SH3GL2: variants seen among roughly 807,000 people sequenced by gnomAD.
The protein encoded by SH3GL2 is SH3 domain containing GRB2 like 2, endophilin A1.
A neutral mutation model predicts 46.0 loss-of-function variants in SH3GL2; 24 were observed. The observed-to-expected ratio is 0.52, with a 90% CI of 0.38 to 0.73. The LOEUF is 0.73. Among genes scored for constraint, SH3GL2 ranks in the 30% least tolerant of loss-of-function variants. SH3GL2 has a pLI of 0.00. For synonymous variants in SH3GL2, 196 were observed against 147.1 expected, an observed-to-expected ratio of 1.33 and a Z score of -2.40; for missense variants, 413 against 424.2, an observed-to-expected ratio of 0.97 and a Z score of 0.23.
rs547529949 is a variant in SH3GL2, at chr9:17,690,519, G to T, written c.46-56547G>T. On this transcript the variant is annotated intron_variant, in intron 1 of 8. Coordinates refer to ENST00000380607, the MANE Select transcript of SH3GL2 (RefSeq NM_003026.5). Reference sequence around the variant, plus strand: ...AGGCCCTGACCTAGACATCCCATAGGATCTCGCCTCATTCTGCTCAAAAAT... The same window carrying T: ...AGGCCCTGACCTAGACATCCCATAGTATCTCGCCTCATTCTGCTCAAAAAT... 5.9e-5 allele frequency among the ~76,000 whole-genome samples: 9 copies of T among 152,110 alleles called. No homozygotes were observed. The South Asian group carries it at 1.7e-3, about 28-fold the overall frequency.
At chr9:17,785,315 T>A (rs1823924103) in intron 3 of SH3GL2, among the ~76,000 whole-genome samples, 1 of 152,206 alleles carries the variant, frequency 6.6e-6, no homozygotes, top group African/African-American at 2.4e-5. Context: ...CAGTTCATTA[T>A]AAACTTTGTG....
chr9:17,707,762 A>T (rs1159451606), intron 1 of SH3GL2, among the ~76,000 whole-genome samples: 1 of 152,060 alleles, frequency 6.6e-6, no homozygotes, highest in African/African-American at 2.4e-5. Context: ...CTAAATCCTT[A>T]TGTCTAAGAT....
At chr9:17,606,082 G>GAGGT (rs1049746334) in intron 1 of SH3GL2, among the ~76,000 whole-genome samples, 10 of 94,084 alleles carry the variant, frequency 1.1e-4, no homozygotes, top group Non-Finnish European at 2.6e-4. Context: ...TCACTTGCGT[G>GAGGT]AGGTTTGTTT....
At chr9:17,766,428 G>A (rs1823320714) in intron 3 of SH3GL2, among the ~76,000 whole-genome samples, 1 of 152,326 alleles carries the variant, frequency 6.6e-6, no homozygotes, top group African/African-American at 2.4e-5. Context: ...CGATATTTGT[G>A]AGCAAAAATC....
intron 1 of SH3GL2, among the ~76,000 whole-genome samples, chr9:17,697,608 C>T (rs1053215562): frequency 6.6e-6 from 1 of 152,166 alleles, no homozygotes; most frequent in Non-Finnish European, 1.5e-5. Context: ...TGCAAAGCAA[C>T]ATGTTTAGTC....
intron 1 of SH3GL2, among the ~76,000 whole-genome samples, chr9:17,618,472 C>A (rs560122044): frequency 1.8e-4 from 27 of 152,218 alleles, no homozygotes; most frequent in Admixed American, 1.2e-3. Flanking sequence ...AAACTCATGA[C>A]CCCTTATTCA....
intron 1 of SH3GL2, among the ~76,000 whole-genome samples, chr9:17,609,035 T>G (rs988037612): frequency 6.6e-6 from 1 of 152,170 alleles, no homozygotes. Flanking sequence ...GTCACACCGC[T>G]GGGGGAATGG....
At chr9:17,783,258 A>C (rs80264017) in intron 3 of SH3GL2, among the ~76,000 whole-genome samples, 2 of 151,876 alleles carry the variant, frequency 1.3e-5, no homozygotes, top group East Asian at 3.9e-4. Context: ...TGTTCATTTT[A>C]ATGGACTCTG....
chr9:17,615,051 T>C (rs1818954255), intron 1 of SH3GL2, among the ~76,000 whole-genome samples: 1 of 152,152 alleles, frequency 6.6e-6, no homozygotes, highest in Non-Finnish European at 1.5e-5. Flanking sequence ...TCCTCTGTCA[T>C]TGGACCCCTC....
intron 1 of SH3GL2, among the ~76,000 whole-genome samples, chr9:17,683,271 T>C (rs1361310264): frequency 6.6e-6 from 1 of 152,032 alleles, no homozygotes; most frequent in African/African-American, 2.4e-5. Context: ...CTTGTGCTCA[T>C]GGGGAACACT....
intron 1 of SH3GL2, among the ~76,000 whole-genome samples, chr9:17,631,744 T>G (rs1448689336): frequency 6.6e-6 from 1 of 152,170 alleles, no homozygotes; most frequent in East Asian, 1.9e-4. Flanking sequence ...ACTTAACAAT[T>G]TACTATACTT....
At chr9:17,761,737 A>G (rs1372985424) in intron 3 of SH3GL2, among the ~76,000 whole-genome samples, 3 of 152,218 alleles carry the variant, frequency 2.0e-5, no homozygotes, top group Non-Finnish European at 4.4e-5. Flanking sequence ...TGACTGTGGT[A>G]TATTTAACAA....
At chr9:17,674,104 G>T (rs995008370) in intron 1 of SH3GL2, among the ~76,000 whole-genome samples, 2 of 152,120 alleles carry the variant, frequency 1.3e-5, no homozygotes, top group African/African-American at 4.8e-5. Flanking sequence ...CATAATTGTG[G>T]CAAGAAATGT....
At chr9:17,704,900 A>G (rs1821431211) in intron 1 of SH3GL2, among the ~76,000 whole-genome samples, 1 of 152,160 alleles carries the variant, frequency 6.6e-6, no homozygotes, top group Non-Finnish European at 1.5e-5. Context: ...CGAAAATGCC[A>G]AAAGTAATTG....
intron 1 of SH3GL2, among the ~76,000 whole-genome samples, chr9:17,745,647 G>A (rs572837614): frequency 6.7e-6 from 1 of 150,178 alleles, no homozygotes; most frequent in Admixed American, 6.6e-5. Context: ...GCAGGAAGTG[G>A]GAGTGAAGGA....
chr9:17,733,018 C>T (rs568077489), intron 1 of SH3GL2, among the ~76,000 whole-genome samples: 8 of 152,192 alleles, frequency 5.3e-5, no homozygotes, highest in African/African-American at 1.9e-4. Context: ...CTTGGCAGTT[C>T]TTACTGCTGC....
At chr9:17,706,140 T>C (rs1821468422) in intron 1 of SH3GL2, among the ~76,000 whole-genome samples, 1 of 151,846 alleles carries the variant, frequency 6.6e-6, no homozygotes, top group Non-Finnish European at 1.5e-5. Context: ...TAGATTTGAG[T>C]CATTTGAGAG....
chr9:17,790,225 C>G (rs1824084465), intron 6 of SH3GL2: 1 of 154,778 alleles, frequency 6.5e-6, no homozygotes, highest in Non-Finnish European at 1.4e-5. Context: ...TGGGTGGTCT[C>G]CACCCCCATA....
intron 1 of SH3GL2, among the ~76,000 whole-genome samples, chr9:17,666,913 A>G (rs748138222): frequency 2.0e-5 from 3 of 152,156 alleles, no homozygotes; most frequent in Non-Finnish European, 2.9e-5. Context: ...AGTTTTGTCA[A>G]CAGAATGTGT....
Sources: gnomAD v4.1 joint callset for allele counts (sites outside exome capture counted in the v4.1 genomes callset) on GRCh38, gnomAD v4.1.1 for gene constraint, MANE v1.5 for transcripts, NCBI Gene and HGNC (gene_info 2026-07-23, HGNC 2026-07-21) for gene names.